The following TSPEAR variants were observed in gnomAD, a reference collection of about 807,000 sequenced individuals.
TSPEAR encodes thrombospondin type laminin G domain and EAR repeats.
Under a neutral mutation model 71.6 loss-of-function variants are expected in TSPEAR, and 69 were observed. The observed-to-expected ratio is 0.96, with a 90% confidence interval of 0.79 to 1.18. The LOEUF is 1.18. TSPEAR is among the 50% of genes most tolerant of loss of function. The pLI is 0.00. For missense variants in TSPEAR, 971 were observed against 894.9 expected (o/e 1.09, Z -1.09); for synonymous variants, 402 against 387.2 (o/e 1.04, Z -0.45).
intron 1 of TSPEAR, among the ~76,000 whole-genome samples, chr21:44,709,020 G>A (rs998297472): frequency 6.6e-6 from 1 of 152,228 alleles, no homozygotes; most frequent in African/African-American, 2.4e-5. Flanking sequence ...GGTTCCTGGG[G>A]TAACACTCAG....
intron 1 of TSPEAR, among the ~76,000 whole-genome samples, chr21:44,706,897 C>A (rs1883044): frequency 0.31 from 47,597 of 152,172 alleles, 7,643 homozygotes; most frequent in Admixed American, 0.36. Context: ...CCAAGCCCCA[C>A]CACCTTGGTG....
At chr21:44,570,062 C>T (rs1374875195) in intron 1 of TSPEAR, among the ~76,000 whole-genome samples, 3 of 152,172 alleles carry the variant, frequency 2.0e-5, no homozygotes, top group African/African-American at 7.2e-5. Flanking sequence ...GTGCTGGGCT[C>T]ACCCCTGGGG....
intron 1 of TSPEAR, among the ~76,000 whole-genome samples, chr21:44,653,527 C>CT (rs587655609): frequency 2.2e-4 from 34 of 152,282 alleles, no homozygotes; most frequent in East Asian, 9.6e-4. Flanking sequence ...TCCTTAAAAG[C>CT]TTTTTTTATC....
At chr21:44,669,398 G>A (rs1555945454) in intron 1 of TSPEAR, among the ~76,000 whole-genome samples, 2 of 152,204 alleles carry the variant, frequency 1.3e-5, no homozygotes, top group Non-Finnish European at 2.9e-5. Flanking sequence ...ACTCCAGCCT[G>A]TGACAGAGCA....
Position 44,687,030 on chromosome 21 carries a change from G to A in TSPEAR, c.82+24403C>T, listed in dbSNP as rs545486826. Among the ~76,000 whole-genome samples, 37 of 152,272 alleles carry A rather than the reference G, an allele frequency of 2.4e-4. No individual in the cohort carries two copies. Among genetic ancestry groups the A allele is most frequent in the African/African-American group, 7.7e-4 (32 of 41,552 alleles). On this transcript the variant is annotated intron_variant, in intron 1 of 11. Coordinates refer to ENST00000323084, the MANE Select transcript of TSPEAR (RefSeq NM_144991.3). The surrounding 1 kb of genome is among the most constrained non-coding windows in gnomAD (Gnocchi z 4.4). ...GTCCAAAGGGGGTGTCTCCTTCCCAGTAGTTTCAGACGAGGATCTCTCAGC... is the reference window on the plus strand; with the variant it reads ...GTCCAAAGGGGGTGTCTCCTTCCCAATAGTTTCAGACGAGGATCTCTCAGC...
chr21:44,623,599 G>A lies in TSPEAR; in HGVS notation c.83-55594C>T, dbSNP rs974293655. Among the ~76,000 whole-genome samples the A allele has an allele frequency of 2.6e-5, 4 of 151,928 alleles. No homozygotes were observed. The highest frequency in any genetic ancestry group is 5.9e-5 in the Non-Finnish European group (4 of 67,998). ...CCTAATTATCTTTTTATTTTCTGTA[G>A]TGCAGATCCTACTGGTGACACAACC... On this transcript the variant is annotated intron_variant, in intron 1 of 11. Transcript: ENST00000323084. This position sits in a 1 kb window ranked among gnomAD's most constrained non-coding sequence, Gnocchi z 4.5.
chr21:44,570,818 A>T (rs2053782581), intron 1 of TSPEAR, among the ~76,000 whole-genome samples: 1 of 152,240 alleles, frequency 6.6e-6, no homozygotes, highest in Admixed American at 6.5e-5. Context: ...GGATATTGCT[A>T]AACAATTGTC....
chr21:44,699,983 C>T (rs1450129457), intron 1 of TSPEAR, among the ~76,000 whole-genome samples: 1 of 152,214 alleles, frequency 6.6e-6, no homozygotes, highest in African/African-American at 2.4e-5. Flanking sequence ...CTGCCTCTCC[C>T]CTCCACCATT....
At chr21:44,655,286 T>C (rs1373706399) in intron 1 of TSPEAR, among the ~76,000 whole-genome samples, 1 of 152,234 alleles carries the variant, frequency 6.6e-6, no homozygotes, top group Non-Finnish European at 1.5e-5. Context: ...AGTTTCACTC[T>C]GGGATCCATG....
At position 44,623,834 on chromosome 21, in the gene TSPEAR, G is replaced by A. The variant is rs116826409; in HGVS notation, c.83-55829C>T. On this transcript the variant is annotated intron_variant, in intron 1 of 11. Coordinates refer to ENST00000323084, the MANE Select transcript of TSPEAR (RefSeq NM_144991.3). The surrounding 1 kb of genome is among the most constrained non-coding windows in gnomAD (Gnocchi z 4.5). ...ATATTTCTTTTTTTTTCCCTTGGCT[G>A]TTTTTAAATTTTTCTCTGTCTTTGG... 0.01 allele frequency among the ~76,000 whole-genome samples: 1,521 copies of A among 152,026 alleles called. 28 individuals carry two copies. The highest frequency in any genetic ancestry group is 0.035 in the African/African-American group (1,458 of 41,460).
chr21:44,597,437 C>CTTTTTTTTTTTTTTTTTTTT (rs56129761), intron 1 of TSPEAR, among the ~76,000 whole-genome samples: 1 of 119,224 alleles, frequency 8.4e-6, no homozygotes, highest in Non-Finnish European at 1.7e-5. Context: ...TCTTTCTTTT[C>CTTTTTTTTTTTTTTTTTTTT]TTTTTTTTTT....
intron 1 of TSPEAR, among the ~76,000 whole-genome samples, chr21:44,706,940 G>A (rs916734461): frequency 2.0e-5 from 3 of 152,216 alleles, no homozygotes; most frequent in Admixed American, 6.5e-5. Context: ...TCGAGAGATG[G>A]GGTCCCCCCA....
intron 9 of TSPEAR, chr21:44,518,699 A>G: frequency 4.2e-6 from 2 of 470,688 alleles, no homozygotes; most frequent in South Asian, 3.1e-5. Context: ...TCGTTAGATG[A>G]TTGGAAGTGA....
At chr21:44,523,558 A>C (rs370772485) in intron 8 of TSPEAR, among the ~76,000 whole-genome samples, 1 of 150,896 alleles carries the variant, frequency 6.6e-6, no homozygotes, top group Admixed American at 6.6e-5. Flanking sequence ...GTCAGTCAGT[A>C]AGTCAGTCAG....
rs149654291 is a variant in TSPEAR, at chr21:44,589,655, C to A, written c.83-21650G>T. Among the ~76,000 whole-genome samples the A allele has an allele frequency of 1.6e-3, 243 of 152,316 alleles. 1 individual carries two copies. Among genetic ancestry groups the A allele is most frequent in the African/African-American group, 5.6e-3 (233 of 41,576 alleles). Reference sequence around the variant, plus strand: ...AGAGCAGGGGTCAGAGGTGAGACCCCCCCACCAGGAGATGTCCTCCCTGGG... The same window carrying A: ...AGAGCAGGGGTCAGAGGTGAGACCCACCCACCAGGAGATGTCCTCCCTGGG... On this transcript the variant is annotated intron_variant, in intron 1 of 11. Transcript: ENST00000323084.
intron 1 of TSPEAR, among the ~76,000 whole-genome samples, chr21:44,611,235 C>T (rs1555930833): frequency 6.6e-6 from 1 of 152,098 alleles, no homozygotes; most frequent in African/African-American, 2.4e-5. Flanking sequence ...ACCCAAATCT[C>T]GACTTGAATT....
At chr21:44,663,541 C>T (rs1168081939) in intron 1 of TSPEAR, among the ~76,000 whole-genome samples, 1 of 151,986 alleles carries the variant, frequency 6.6e-6, no homozygotes. Flanking sequence ...GGAAATATAA[C>T]CAATTCTACA....
chr21:44,697,024 ACG>A, intron 1 of TSPEAR: 21 of 888,730 alleles, frequency 2.4e-5, no homozygotes, highest in Admixed American at 7.0e-5. Context: ...CAGCACCCAG[ACG>A]CTCACTCACT....
chr21:44,656,020 C>T (rs1259944330), intron 1 of TSPEAR, among the ~76,000 whole-genome samples: 4 of 152,096 alleles, frequency 2.6e-5, no homozygotes, highest in Non-Finnish European at 4.4e-5. Flanking sequence ...GACCCAGAGC[C>T]GATCTGTGGC....
Sources: gnomAD v4.1 joint callset for allele counts (sites outside exome capture counted in the v4.1 genomes callset) on GRCh38, gnomAD v4.1.1 for gene constraint, Gnocchi (gnomAD v3.1) non-coding constraint, MANE v1.5 for transcripts, NCBI Gene and HGNC (gene_info 2026-07-23, HGNC 2026-07-21) for gene names.